DPH6: variants seen among roughly 807,000 people sequenced by gnomAD.
DPH6 encodes the protein diphthine--ammonia ligase.
Under a neutral mutation model 38.2 loss-of-function variants are expected in DPH6, and 33 were observed. The ratio of observed to expected loss-of-function variants is 0.86; its 90% CI spans 0.65 to 1.15. The LOEUF is 1.15. DPH6 is among the 50% of genes most tolerant of loss of function. The pLI is 0.00. For synonymous variants in DPH6, 108 were observed against 103.0 expected (o/e 1.05, Z -0.30); for missense variants, 325 against 320.0 (o/e 1.02, Z -0.12).
rs576323098 is a variant in DPH6 at position 35,436,444 on chromosome 15, A to C, written c.505+14241T>G. 2.2e-3 allele frequency among the ~76,000 whole-genome samples: 320 copies of C among 146,252 alleles called. 1 individual carries two copies. The highest frequency in any genetic ancestry group is 6.1e-3 in the East Asian group (29 of 4,768). Reference sequence around the variant, plus strand: ...TGGCGCCACTGCGCTCCAGCCTGGGAGACAGAGTGAGACTCCGTCTCAAAC... The same window carrying C: ...TGGCGCCACTGCGCTCCAGCCTGGGCGACAGAGTGAGACTCCGTCTCAAAC... On this transcript the variant is annotated intron_variant, in intron 5 of 8. Coordinates refer to ENST00000256538, the MANE Select transcript of DPH6 (RefSeq NM_080650.4).
chr15:35,339,969 T>C (rs2052407767), intron 3 of DPH6, among the ~76,000 whole-genome samples: 1 of 152,156 alleles, frequency 6.6e-6, no homozygotes, highest in South Asian at 2.1e-4. Context: ...TGTGTAATAT[T>C]GTCAGTGGGG....
chr15:35,355,138 G>C (rs543139235), intron 3 of DPH6, among the ~76,000 whole-genome samples: 1 of 152,030 alleles, frequency 6.6e-6, no homozygotes, highest in South Asian at 2.1e-4. Context: ...CATTTGCTTG[G>C]GAGATCTTCC....
At chr15:35,201,995 T>C in the DPH6 span, among the ~76,000 whole-genome samples, 1 of 151,836 alleles carries the variant, frequency 6.6e-6, no homozygotes, top group Non-Finnish European at 1.5e-5. Context: ...ATAGGGTGAA[T>C]AAGCCCTGAT....
At chr15:35,212,737 T>C (rs1366034606), downstream of DPH6, among the ~76,000 whole-genome samples, 1 of 152,224 alleles carries the variant, frequency 6.6e-6, no homozygotes, top group African/African-American at 2.4e-5. Context: ...CTGAGTATTG[T>C]ACTTCCTTCC....
At chr15:35,473,955 T>TGC (rs1475956545) in intron 3 of DPH6, among the ~76,000 whole-genome samples, 45 of 26,764 alleles carry the variant, frequency 1.7e-3, no homozygotes, top group East Asian at 0.012. Flanking sequence ...TGTGTGTGTG[T>TGC]GTGCGCGCGC....
chr15:35,181,411 C>A, the DPH6 span, among the ~76,000 whole-genome samples: 1 of 151,264 alleles, frequency 6.6e-6, no homozygotes, highest in Non-Finnish European at 1.5e-5. Flanking sequence ...TAGCAGCCAT[C>A]CTCCCTGTGT....
chr15:35,451,989 G>A (rs1478835424), intron 4 of DPH6, among the ~76,000 whole-genome samples: 1 of 152,132 alleles, frequency 6.6e-6, no homozygotes, highest in East Asian at 1.9e-4. Context: ...CAGCCTGGGC[G>A]ACAGAGCGAG....
At chr15:35,496,266 A>T (rs533087587) in intron 3 of DPH6, among the ~76,000 whole-genome samples, 1 of 152,176 alleles carries the variant, frequency 6.6e-6, no homozygotes, top group South Asian at 2.1e-4. Context: ...TAAAAATATA[A>T]AAATCTGGCC....
chr15:35,197,514 A>C, the DPH6 span, among the ~76,000 whole-genome samples: 4 of 152,202 alleles, frequency 2.6e-5, no homozygotes, highest in Admixed American at 2.6e-4. Flanking sequence ...TATAAAAATG[A>C]GACAAGACAG....
Position 35,445,868 on chromosome 15 carries a change from T to C in DPH6, c.505+4817A>G, listed in dbSNP as rs1279106596. Among the ~76,000 whole-genome samples, 3 of 152,262 alleles carry C rather than the reference T, an allele frequency of 2.0e-5. No individual in the cohort carries two copies. The South Asian group carries it at 6.2e-4, about 32-fold the overall frequency. On this transcript the variant is annotated intron_variant, in intron 5 of 8. Transcript: ENST00000256538. Reference sequence around the variant, plus strand: ...AGTGTCTGCTTAAAATACTATGTGATGCTAATCATCTCTGCATGAGCAGAG... The same window carrying C: ...AGTGTCTGCTTAAAATACTATGTGACGCTAATCATCTCTGCATGAGCAGAG...
chr15:35,271,441 A>G (rs1311024171), intron 3 of DPH6, among the ~76,000 whole-genome samples: 2 of 152,262 alleles, frequency 1.3e-5, no homozygotes, highest in African/African-American at 4.8e-5. Context: ...TATCAATTAA[A>G]GTTGTTTCAA....
At chr15:35,206,777 A>C in the DPH6 span, among the ~76,000 whole-genome samples, 2 of 152,214 alleles carry the variant, frequency 1.3e-5, no homozygotes, top group Non-Finnish European at 2.9e-5. Context: ...AAGGTATTAA[A>C]ATTCAGAACT....
At chr15:35,529,220 G>C (rs2055049363) in intron 3 of DPH6, among the ~76,000 whole-genome samples, 3 of 152,158 alleles carry the variant, frequency 2.0e-5, no homozygotes. Flanking sequence ...AGGTTTGCAG[G>C]CTGTACAGGC....
intron 3 of DPH6, among the ~76,000 whole-genome samples, chr15:35,277,965 A>T (rs72708913): frequency 0.03 from 4,640 of 152,314 alleles, 206 homozygotes; most frequent in African/African-American, 0.1. Context: ...GAAACAGAGC[A>T]TAAAAGTTTG....
At chr15:35,398,149 G>A (rs2053170311) in intron 6 of DPH6, among the ~76,000 whole-genome samples, 2 of 152,120 alleles carry the variant, frequency 1.3e-5, no homozygotes, top group African/African-American at 2.4e-5. Context: ...GTAGATAGGA[G>A]TGCCAGGAGA....
intron 6 of DPH6, among the ~76,000 whole-genome samples, chr15:35,385,542 C>T (rs140709001): frequency 0.031 from 4,663 of 152,114 alleles, 240 homozygotes; most frequent in African/African-American, 0.11. Context: ...CATGTTCTCA[C>T]TCATAAGTGG....
At chr15:35,351,770 G>C (rs2140892168) in intron 3 of DPH6, among the ~76,000 whole-genome samples, 1 of 145,672 alleles carries the variant, frequency 6.9e-6, no homozygotes, top group East Asian at 2.0e-4. Flanking sequence ...CACTCAGGTT[G>C]GAGTGCAGTG....
intron 3 of DPH6, among the ~76,000 whole-genome samples, chr15:35,360,073 A>AT (rs2052600862): frequency 4.0e-5 from 6 of 151,898 alleles, no homozygotes; most frequent in Admixed American, 3.3e-4. Flanking sequence ...TGTTTGCTTG[A>AT]TTTTTTGCAC....
chr15:35,196,039 A>G, the DPH6 span, among the ~76,000 whole-genome samples: 56 of 152,314 alleles, frequency 3.7e-4, no homozygotes, highest in African/African-American at 1.3e-3. Context: ...CAGAAGAGAA[A>G]TGCAAGTCTT....
Sources: gnomAD v4.1 joint callset for allele counts (sites outside exome capture counted in the v4.1 genomes callset) on GRCh38, gnomAD v4.1.1 for gene constraint, MANE v1.5 for transcripts, NCBI Gene and HGNC (gene_info 2026-07-23, HGNC 2026-07-21) for gene names.